Variants in NWD1 observed in about 807,000 individuals in gnomAD.
The protein encoded by NWD1 is NACHT and WD repeat domain containing 1.
NWD1 carries 129 observed loss-of-function variants against 135.1 expected under a neutral mutation model. The ratio of observed to expected loss-of-function variants is 0.96; its 90% CI spans 0.83 to 1.11. NWD1 has a LOEUF of 1.11. NWD1 is among the 50% of genes least tolerant of loss of function. NWD1 has a pLI of 0.00. For synonymous variants in NWD1, 773 were observed against 786.0 expected (o/e 0.98, Z 0.28); for missense variants, 1,740 against 1,851.3 (o/e 0.94, Z 1.10).
intron 7 of NWD1, among the ~76,000 whole-genome samples, chr19:16,760,047 T>C (rs1335011993): frequency 6.6e-6 from 1 of 151,610 alleles, no homozygotes; most frequent in Non-Finnish European, 1.5e-5. Flanking sequence ...CCCAGCTACT[T>C]GGGAGGCTGA....
intron 16 of NWD1, 33 bp from the exon 17 acceptor site, chr19:16,799,853 T>G: frequency 6.4e-7 from 1 of 1,555,234 alleles, no homozygotes; most frequent in Non-Finnish European, 8.7e-7. Flanking sequence ...CCACAGAAGA[T>G]GTCAGATCTG....
chr19:16,728,753 G>C (rs1030202590), intron 2 of NWD1, among the ~76,000 whole-genome samples: 17 of 148,682 alleles, frequency 1.1e-4, no homozygotes, highest in Non-Finnish European at 2.1e-4. Context: ...GACCATCCTG[G>C]CTAACACAGT....
At chr19:16,795,415 C>CTTTTT (rs869281364) in intron 15 of NWD1, among the ~76,000 whole-genome samples, 1 of 136,348 alleles carries the variant, frequency 7.3e-6, no homozygotes, top group African/African-American at 2.8e-5. Flanking sequence ...TGCTAATTAC[C>CTTTTT]TTTTTTTTTT....
At chr19:16,795,415 C>CTTTTTT (rs869281364) in intron 15 of NWD1, among the ~76,000 whole-genome samples, 1 of 136,348 alleles carries the variant, frequency 7.3e-6, no homozygotes, top group Non-Finnish European at 1.6e-5. Flanking sequence ...TGCTAATTAC[C>CTTTTTT]TTTTTTTTTT....
intron 1 of NWD1, among the ~76,000 whole-genome samples, chr19:16,723,676 CTGTTTTGTTTTGTTTTGTTTTGTTT>C (rs60100795): frequency 1.3e-5 from 2 of 149,674 alleles, no homozygotes; most frequent in Non-Finnish European, 3.0e-5. Flanking sequence ...ACAGCTTTTT[CTGTTTTGTTTTGTTTTGTTTTGTTT>C]TGTTTTGTTT....
intron 12 of NWD1, among the ~76,000 whole-genome samples, chr19:16,785,564 C>T (rs551213033): frequency 4.1e-5 from 6 of 147,254 alleles, no homozygotes; most frequent in Admixed American, 1.3e-4. Context: ...AAAAAATTAA[C>T]GTGATAAAGA....
chr19:16,730,463 C>G (rs562148454), intron 2 of NWD1, among the ~76,000 whole-genome samples: 2 of 152,062 alleles, frequency 1.3e-5, no homozygotes, highest in African/African-American at 4.8e-5. Flanking sequence ...CCTGTAATCC[C>G]AGTGCTTTGA....
chr19:16,794,800 T>G (rs2547105), intron 15 of NWD1, among the ~76,000 whole-genome samples: 70,162 of 151,870 alleles, frequency 0.46, 18,659 homozygotes, highest in African/African-American at 0.73. Flanking sequence ...CTTTTTTTTT[T>G]AAATAGGGTC....
intron 1 of NWD1, among the ~76,000 whole-genome samples, chr19:16,723,820 C>T (rs940669083): frequency 2.6e-5 from 4 of 152,036 alleles, no homozygotes; most frequent in African/African-American, 9.7e-5. Flanking sequence ...CTGAGCCCCC[C>T]ACGTAGCTGG....
intron 14 of NWD1, among the ~76,000 whole-genome samples, chr19:16,793,690 C>T (rs1970327059): frequency 1.3e-5 from 2 of 151,806 alleles, no homozygotes. Context: ...GATTCTCCTG[C>T]CTCCGCCTCC....
intron 7 of NWD1, among the ~76,000 whole-genome samples, chr19:16,761,062 G>C (rs1460080641): frequency 1.3e-5 from 2 of 152,038 alleles, no homozygotes; most frequent in Admixed American, 6.6e-5. Flanking sequence ...TCTGCTTCCT[G>C]TCTCTGTGGA....
chr19:16,812,002 C>T (rs1376423791), intron 18 of NWD1, among the ~76,000 whole-genome samples: 3 of 152,028 alleles, frequency 2.0e-5, no homozygotes, highest in Non-Finnish European at 4.4e-5. Context: ...AGGAACAGAG[C>T]GAGATTCCAT....
intron 4 of NWD1, among the ~76,000 whole-genome samples, chr19:16,742,834 C>T (rs1487840239): frequency 6.7e-6 from 1 of 150,262 alleles, no homozygotes; most frequent in Non-Finnish European, 1.5e-5. Context: ...CCATGCCTGG[C>T]TATTTTTAAA....
chr19:16,784,857 G>C (rs1969984276), intron 12 of NWD1, among the ~76,000 whole-genome samples: 1 of 149,758 alleles, frequency 6.7e-6, no homozygotes, highest in Non-Finnish European at 1.5e-5. Context: ...TGAACCCGGG[G>C]GGCGGAGGTT....
At chr19:16,751,265 G>C (rs1001769143) in intron 6 of NWD1, among the ~76,000 whole-genome samples, 1 of 151,290 alleles carries the variant, frequency 6.6e-6, no homozygotes, top group African/African-American at 2.4e-5. Flanking sequence ...GGTCATGATA[G>C]TCTGGGGCCA....
At position 16,750,282 on chromosome 19, in the gene NWD1, C is replaced by T. The variant is rs780318414; in HGVS notation, c.1640C>T (p.Ala547Val). The part of the protein sequence containing the change: ...RLAFEEARKW[A>V]SFTVPVPLAT... ...GCGTTTGAGGAAGCCCGGAAATGGG[C>T]CTCTTTCACCGTGCCTGTCCCGCTG... The change falls in exon 6 of 19, where the codon GCC becomes GTC. Residue 547 changes from alanine to valine, a missense_variant. Ala to Val is a moderately conservative substitution (Grantham distance 64). Transcript: ENST00000524140. 1.2e-6 allele frequency: 2 copies of T among 1,613,668 alleles called. No individual in the cohort carries two copies. Among genetic ancestry groups the T allele is most frequent in the Admixed American group, 1.7e-5 (1 of 59,992 alleles).
chr19:16,776,353 A>G (rs1969598358), intron 11 of NWD1, among the ~76,000 whole-genome samples: 1 of 151,912 alleles, frequency 6.6e-6, no homozygotes, highest in Admixed American at 6.6e-5. Context: ...GTGGATCATG[A>G]GATCAGGAGT....
chr19:16,724,627 C>A (rs1485584134), intron 2 of NWD1, among the ~76,000 whole-genome samples, 164 bp downstream of exon 2: 1 of 152,058 alleles, frequency 6.6e-6, no homozygotes, highest in East Asian at 1.9e-4. Context: ...GTGGGAGGAT[C>A]GTTTGTTGGC....
chr19:16,735,009 A>C (rs1967734249), intron 3 of NWD1, among the ~76,000 whole-genome samples: 1 of 151,980 alleles, frequency 6.6e-6, no homozygotes, highest in Non-Finnish European at 1.5e-5. Flanking sequence ...AGCAATCCTC[A>C]TGCTTCAGCC....
Sources: allele counts gnomAD v4.1 joint callset (sites outside exome capture counted in the v4.1 genomes callset), GRCh38; gene constraint gnomAD v4.1.1; transcripts MANE v1.5; gene names NCBI Gene and HGNC (gene_info 2026-07-23, HGNC 2026-07-21).